Variants in KLHL2 observed in about 807,000 individuals in gnomAD.
KLHL2 encodes the protein kelch-like protein 2.
In KLHL2, 15 loss-of-function variants were observed where a neutral mutation model predicts 75.8. The ratio of observed to expected loss-of-function variants is 0.20; its 90% confidence interval spans 0.13 to 0.30. KLHL2 has a LOEUF of 0.30. KLHL2 is among the 10% of genes least tolerant of loss of function. The probability of loss-of-function intolerance (pLI) is 1.00; values close to 1 mark genes in which losing one functional copy is unlikely to be tolerated. For missense variants in KLHL2, 381 were observed against 741.0 expected (o/e 0.51, Z 5.64); for synonymous variants, 214 against 251.9 (o/e 0.85, Z 1.42).
intron 14 of KLHL2, 106 bp from the exon 15 acceptor site, chr4:165,321,926 G>C (rs1747013712): frequency 4.1e-6 from 4 of 966,304 alleles, no homozygotes; most frequent in Non-Finnish European, 6.7e-6. Context: ...AACATGATTT[G>C]TACAGTTCCT....
In KLHL2 at chr4:165,283,853, C is replaced by A. The variant is rs554644842; in HGVS notation, c.545-10506C>A. Among the ~76,000 whole-genome samples the A allele has an allele frequency of 2.0e-3, 299 of 152,346 alleles. 1 individual carries two copies. Among genetic ancestry groups the A allele is most frequent in the African/African-American group, 7.0e-3 (292 of 41,580 alleles). On this transcript the variant is annotated intron_variant, in intron 5 of 14. Transcript: ENST00000226725. Reference sequence around the variant, plus strand: ...TGGGCATACAGGCATTTTCATACATCTGAAATCGAGGTGGAGGTTACCAAA... The same window carrying A: ...TGGGCATACAGGCATTTTCATACATATGAAATCGAGGTGGAGGTTACCAAA...
chr4:165,219,964 C>A lies in KLHL2; in HGVS notation c.57C>A (p.Leu19=). 2 of 1,613,606 alleles carry A rather than the reference C, an allele frequency of 1.2e-6. No homozygotes were observed. Among genetic ancestry groups the A allele is most frequent in the East Asian group, 4.5e-5 (2 of 44,844 alleles). Residue 19 remains leucine (L), a synonymous_variant, in exon 2 of 15, where the codon CTC becomes CTA. Coordinates refer to ENST00000226725, the MANE Select transcript of KLHL2 (RefSeq NM_007246.4). ...CAAAGCAGGGTCATCAGAAGCCTCT[C>A]GATTCAAAAGATGATAATACCGAAA... is the stretch of plus-strand genomic sequence containing the variant. ...ACTKQGHQKP[L]DSKDDNTEKH...
intron 3 of KLHL2, among the ~76,000 whole-genome samples, chr4:165,235,268 T>A (rs1451467530): frequency 1.3e-5 from 2 of 152,268 alleles, no homozygotes; most frequent in African/African-American, 2.4e-5. Context: ...TGGTGCGGTC[T>A]TAGCTCACTG....
chr4:165,265,042 T>C (rs1405832600), intron 5 of KLHL2, among the ~76,000 whole-genome samples: 1 of 151,848 alleles, frequency 6.6e-6, no homozygotes, highest in Admixed American at 6.6e-5. Context: ...ACATCTATTG[T>C]TTTTTCACTT....
chr4:165,260,371 T>C (rs1357455027), intron 4 of KLHL2, among the ~76,000 whole-genome samples: 2 of 152,242 alleles, frequency 1.3e-5, no homozygotes, highest in Non-Finnish European at 2.9e-5. Flanking sequence ...TATGTGAATA[T>C]AATCTAGCCA....
At chr4:165,272,889 T>C (rs1019519915) in intron 5 of KLHL2, among the ~76,000 whole-genome samples, 3 of 152,250 alleles carry the variant, frequency 2.0e-5, no homozygotes, top group African/African-American at 7.2e-5. Flanking sequence ...TGAAAAATTA[T>C]TCACTTTCAG....
At chr4:165,214,550 T>C (rs1737404319) in intron 1 of KLHL2, among the ~76,000 whole-genome samples, 1 of 152,168 alleles carries the variant, frequency 6.6e-6, no homozygotes, top group Admixed American at 6.5e-5. Context: ...ATTGTTCTAC[T>C]ATCAGAGAGC....
intron 4 of KLHL2, among the ~76,000 whole-genome samples, chr4:165,249,085 G>T (rs1358175826): frequency 6.6e-6 from 1 of 152,210 alleles, no homozygotes; most frequent in African/African-American, 2.4e-5. Context: ...TGTTTTCTAT[G>T]CTGGCTCATG....
At chr4:165,248,553 G>T (rs1740442752) in intron 4 of KLHL2, among the ~76,000 whole-genome samples, 2 of 152,166 alleles carry the variant, frequency 1.3e-5, no homozygotes, top group Non-Finnish European at 2.9e-5. Context: ...AATAGCAATG[G>T]GGAGCTGCAT....
At chr4:165,244,457 G>A (rs1410259907) in intron 4 of KLHL2, among the ~76,000 whole-genome samples, 1 of 152,152 alleles carries the variant, frequency 6.6e-6, no homozygotes, top group Non-Finnish European at 1.5e-5. Context: ...GTAGATTTTG[G>A]TGAAGAGTGC....
intron 1 of KLHL2, among the ~76,000 whole-genome samples, chr4:165,211,302 C>T (rs988432711): frequency 1.3e-5 from 2 of 152,128 alleles, no homozygotes; most frequent in Admixed American, 1.3e-4. Flanking sequence ...ATTTTAGTAT[C>T]CTTCCTCAAA....
chr4:165,242,127 A>G (rs1739864401), intron 4 of KLHL2, among the ~76,000 whole-genome samples: 1 of 152,156 alleles, frequency 6.6e-6, no homozygotes, highest in Admixed American at 6.5e-5. Context: ...AAAGGGAGAT[A>G]AAAGGAGAAC....
intron 4 of KLHL2, among the ~76,000 whole-genome samples, chr4:165,261,433 A>G (rs1030983024): frequency 2.0e-5 from 3 of 151,950 alleles, no homozygotes; most frequent in African/African-American, 7.3e-5. Context: ...CTCTGCCTCC[A>G]GGGTTCAAGT....
intron 4 of KLHL2, among the ~76,000 whole-genome samples, chr4:165,253,766 A>G (rs1740932796): frequency 6.6e-6 from 1 of 152,364 alleles, no homozygotes; most frequent in Admixed American, 6.5e-5. Flanking sequence ...CTTCATATAA[A>G]TAGAATCATA....
At chr4:165,293,202 A>G (rs1430304572) in intron 5 of KLHL2, among the ~76,000 whole-genome samples, 5 of 152,128 alleles carry the variant, frequency 3.3e-5, no homozygotes, top group South Asian at 2.1e-4. Context: ...AAGGTTTTCA[A>G]TCATTGCACT....
At chr4:165,223,109 A>G (rs1738139573) in intron 2 of KLHL2, among the ~76,000 whole-genome samples, 1 of 152,264 alleles carries the variant, frequency 6.6e-6, no homozygotes, top group Non-Finnish European at 1.5e-5. Flanking sequence ...CCAGAGACCT[A>G]GCTTTATATC....
chr4:165,208,162 T>C (rs1451301044), intron 1 of KLHL2, among the ~76,000 whole-genome samples: 1 of 151,612 alleles, frequency 6.6e-6, no homozygotes, highest in Non-Finnish European at 1.5e-5. Flanking sequence ...AGATTCGGGG[T>C]GGGGCTGTGC....
chr4:165,299,477 T>G, intron 7 of KLHL2, 30 bp from the exon 8 acceptor site: 2 of 1,576,240 alleles, frequency 1.3e-6, no homozygotes, highest in Non-Finnish European at 1.7e-6. Context: ...AGCCCTACCC[T>G]CAGTGGGTGT....
At chr4:165,223,988 C>T (rs1738222115) in intron 2 of KLHL2, 3 of 446,022 alleles carry the variant, frequency 6.7e-6, no homozygotes, top group Non-Finnish European at 1.3e-5. Context: ...GATCTCAGCT[C>T]ACTGCAACCT....
Sources: gnomAD v4.1 joint callset for allele counts (sites outside exome capture counted in the v4.1 genomes callset) on GRCh38, gnomAD v4.1.1 for gene constraint, MANE v1.5 for transcripts, NCBI Gene and HGNC (gene_info 2026-07-23, HGNC 2026-07-21) for gene names.